Variants in EYS observed in about 807,000 individuals in gnomAD.
EYS encodes the protein EGF-like photoreceptor maintenance factor.
A neutral mutation model predicts 282.1 loss-of-function variants in EYS; 250 were observed. The ratio of observed to expected loss-of-function variants is 0.89; its 90% CI spans 0.80 to 0.98. The LOEUF (loss-of-function observed/expected upper bound fraction) is 0.98. Ranked by LOEUF, EYS falls within the 50% of genes least tolerant of loss-of-function variation. EYS has a pLI of 0.00. For missense variants in EYS, 4,016 were observed against 3,709.0 expected, an observed-to-expected ratio of 1.08 and a Z score of -2.15; for synonymous variants, 1,355 against 1,282.9, an observed-to-expected ratio of 1.06 and a Z score of -1.20.
intron 12 of EYS, among the ~76,000 whole-genome samples, chr6:65,254,605 T>G (rs1369496466): frequency 6.6e-6 from 1 of 151,896 alleles, no homozygotes; most frequent in African/African-American, 2.4e-5. Flanking sequence ...ACACATCTTT[T>G]AAAACAAGAC....
At chr6:63,964,747 C>A (rs530407747) in intron 35 of EYS, among the ~76,000 whole-genome samples, 1 of 152,210 alleles carries the variant, frequency 6.6e-6, no homozygotes, top group Non-Finnish European at 1.5e-5. Flanking sequence ...TTTCTCCCCT[C>A]ATACTTTCCT....
chr6:64,267,550 C>CTAAA (rs1236359084), intron 30 of EYS, among the ~76,000 whole-genome samples: 3 of 151,854 alleles, frequency 2.0e-5, no homozygotes, highest in Admixed American at 2.0e-4. Flanking sequence ...CTTTAAAGAC[C>CTAAA]TAAATATAAG....
At chr6:64,153,044 T>C (rs565715800) in intron 31 of EYS, among the ~76,000 whole-genome samples, 1 of 152,296 alleles carries the variant, frequency 6.6e-6, no homozygotes, top group Admixed American at 6.5e-5. Flanking sequence ...TAATATACTC[T>C]AAGTGTATAA....
chr6:65,533,738 C>T (rs892468125), intron 2 of EYS, among the ~76,000 whole-genome samples: 4 of 152,250 alleles, frequency 2.6e-5, no homozygotes, highest in African/African-American at 9.6e-5. Context: ...GCTTTCACCA[C>T]ATATGGAGTC....
intron 5 of EYS, among the ~76,000 whole-genome samples, chr6:65,472,804 C>T (rs1217925822): frequency 1.3e-5 from 2 of 151,804 alleles, no homozygotes; most frequent in African/African-American, 4.8e-5. Flanking sequence ...TTACTTAATT[C>T]CTAGGTTGGT....
intron 31 of EYS, among the ~76,000 whole-genome samples, chr6:64,229,492 A>G (rs187104056): frequency 6.6e-6 from 1 of 152,334 alleles, no homozygotes; most frequent in Admixed American, 6.5e-5. Flanking sequence ...AAACACATGA[A>G]ATACTTTTCT....
chr6:64,127,480 A>G (rs1001508319), intron 31 of EYS, among the ~76,000 whole-genome samples: 5 of 152,252 alleles, frequency 3.3e-5, no homozygotes, highest in African/African-American at 4.8e-5. Flanking sequence ...ATATTAACAC[A>G]AACTAGGTTA....
chr6:64,921,071 G>A (rs549287968), intron 15 of EYS, among the ~76,000 whole-genome samples: 5 of 152,062 alleles, frequency 3.3e-5, no homozygotes, highest in Middle Eastern at 3.4e-3. Context: ...TTGTTTTTTT[G>A]TTAGGACTGG....
intron 13 of EYS, among the ~76,000 whole-genome samples, chr6:65,041,737 T>C (rs1180360734): frequency 6.6e-6 from 1 of 151,698 alleles, no homozygotes; most frequent in Non-Finnish European, 1.5e-5. Flanking sequence ...GCCTAGTTAA[T>C]AAGGTCATGC....
intron 36 of EYS, among the ~76,000 whole-genome samples, chr6:63,853,812 G>T (rs191379401): frequency 1.2e-3 from 182 of 152,226 alleles, no homozygotes; most frequent in Non-Finnish European, 2.0e-3. Flanking sequence ...CAGAACAGAG[G>T]CCTCAGATAT....
chr6:63,857,020 G>C (rs530457133), intron 36 of EYS, among the ~76,000 whole-genome samples: 1 of 152,186 alleles, frequency 6.6e-6, no homozygotes, highest in African/African-American at 2.4e-5. Context: ...AAAAGCAGAG[G>C]TTTAAGCAAA....
intron 12 of EYS, among the ~76,000 whole-genome samples, chr6:65,199,688 G>C (rs1402180416): frequency 6.6e-6 from 1 of 152,136 alleles, no homozygotes; most frequent in Non-Finnish European, 1.5e-5. Flanking sequence ...TGAATCATCT[G>C]AGTTCCATCT....
intron 5 of EYS, among the ~76,000 whole-genome samples, chr6:65,436,374 G>A (rs1490470893): frequency 6.6e-6 from 1 of 151,898 alleles, no homozygotes; most frequent in Non-Finnish European, 1.5e-5. Flanking sequence ...ATTTGAAAAT[G>A]AGAAGCAAGA....
intron 30 of EYS, 42 bp from the exon 31 acceptor site, chr6:64,230,866 A>C: frequency 8.4e-7 from 1 of 1,184,350 alleles, no homozygotes; most frequent in Non-Finnish European, 1.2e-6. Context: ...TATAAGTAAA[A>C]GCACTAGGAA....
At chr6:65,675,938 AAGG>A (rs1279338736) in intron 1 of EYS, among the ~76,000 whole-genome samples, 2 of 151,842 alleles carry the variant, frequency 1.3e-5, no homozygotes, top group African/African-American at 2.4e-5. Context: ...TCAATACAAG[AAGG>A]AGAAGTGGAA....
intron 5 of EYS, among the ~76,000 whole-genome samples, chr6:65,423,194 T>G (rs1562170691): frequency 6.6e-6 from 1 of 151,904 alleles, no homozygotes; most frequent in Admixed American, 6.6e-5. Context: ...GCATATTTAC[T>G]GAGAAGGGGG....
chr6:64,751,952 A>C (rs1409287002), intron 22 of EYS, among the ~76,000 whole-genome samples: 1 of 152,154 alleles, frequency 6.6e-6, no homozygotes, highest in African/African-American at 2.4e-5. Flanking sequence ...CCTGCACAAC[A>C]TACATTATAA....
At chr6:63,944,204 G>T (rs1215817735) in intron 35 of EYS, among the ~76,000 whole-genome samples, 1 of 152,116 alleles carries the variant, frequency 6.6e-6, no homozygotes, top group Non-Finnish European at 1.5e-5. Flanking sequence ...ATAAGCAATA[G>T]AAAAAGCTGA....
intron 22 of EYS, among the ~76,000 whole-genome samples, chr6:64,792,826 A>G (rs1044744200): frequency 1.7e-5 from 2 of 118,896 alleles, no homozygotes; most frequent in African/African-American, 5.2e-5. Flanking sequence ...TGTCAAAGTC[A>G]TAATTGTTTT....
Sources: gnomAD v4.1 joint callset for allele counts (sites outside exome capture counted in the v4.1 genomes callset) on GRCh38, gnomAD v4.1.1 for gene constraint, MANE v1.5 for transcripts, NCBI Gene and HGNC (gene_info 2026-07-23, HGNC 2026-07-21) for gene names.